PDE1C: variants seen among roughly 807,000 people sequenced by gnomAD.
The protein encoded by PDE1C is phosphodiesterase 1C, also known as dual specificity calcium/calmodulin-dependent 3',5'-cyclic nucleotide phosphodiesterase 1C.
Under a neutral mutation model 93.1 loss-of-function variants are expected in PDE1C, and 62 were observed. The ratio of observed to expected loss-of-function variants is 0.67; its 90% confidence interval spans 0.54 to 0.82. The LOEUF is 0.82. Ranked by LOEUF, PDE1C falls within the 40% of genes least tolerant of loss-of-function variation. The pLI, the probability that PDE1C is intolerant of heterozygous loss-of-function variation, is 0.00. For missense variants in PDE1C, 742 were observed against 884.6 expected, an observed-to-expected ratio of 0.84 and a Z score of 2.04; for synonymous variants, 325 against 310.1, an observed-to-expected ratio of 1.05 and a Z score of -0.50.
At chr7:31,815,878 C>A in intron 15 of PDE1C, 46 bp downstream of exon 15, 1 of 1,388,098 alleles carries the variant, frequency 7.2e-7, no homozygotes, top group South Asian at 1.2e-5. Context: ...TTCATTATGT[C>A]ATTAATGCCG....
At chr7:31,972,262 G>C (rs1454684482) in intron 2 of PDE1C, among the ~76,000 whole-genome samples, 1 of 152,152 alleles carries the variant, frequency 6.6e-6, no homozygotes, top group African/African-American at 2.4e-5. Flanking sequence ...AATACATTTG[G>C]TGATTTATTC....
intron 17 of PDE1C, among the ~76,000 whole-genome samples, chr7:31,770,406 C>T (rs1490504434): frequency 6.6e-6 from 1 of 152,084 alleles, no homozygotes; most frequent in Non-Finnish European, 1.5e-5. Flanking sequence ...TAATGAAGCC[C>T]AATTACCTAA....
At chr7:32,001,502 C>T (rs964318817) in intron 2 of PDE1C, among the ~76,000 whole-genome samples, 1 of 151,646 alleles carries the variant, frequency 6.6e-6, no homozygotes, top group African/African-American at 2.4e-5. Context: ...TCCATGAGCA[C>T]AACTCCCATC....
chr7:32,245,604 T>G lies in PDE1C; in HGVS notation c.86-36065A>C, dbSNP rs992294597. 1.9e-4 allele frequency among the ~76,000 whole-genome samples: 29 copies of G among 152,170 alleles called. 1 individual carries two copies. The highest frequency in any genetic ancestry group is 1.2e-3 in the Admixed American group (19 of 15,278). On this transcript the variant is annotated intron_variant, in intron 1 of 18. Transcript: ENST00000396193. Reference sequence around the variant, plus strand: ...TTGAGCAGTTTATGGCCCTATGTTTTCTCTCCCAGGTGTATCAGCATCTTA... The same window carrying G: ...TTGAGCAGTTTATGGCCCTATGTTTGCTCTCCCAGGTGTATCAGCATCTTA...
chr7:31,931,051 A>C (rs1188431986), intron 2 of PDE1C, among the ~76,000 whole-genome samples: 1 of 152,118 alleles, frequency 6.6e-6, no homozygotes, highest in Admixed American at 6.5e-5. Context: ...TTCATGCTAA[A>C]AGCACTCAAC....
At chr7:32,397,735 G>T (rs1212268977) in intron 1 of PDE1C, among the ~76,000 whole-genome samples, 1 of 152,110 alleles carries the variant, frequency 6.6e-6, no homozygotes, top group Non-Finnish European at 1.5e-5. Flanking sequence ...AAAAGTGAGG[G>T]TCAGGCACGG....
chr7:32,153,838 C>T (rs190552287), intron 3 of PDE1C, among the ~76,000 whole-genome samples: 13 of 152,224 alleles, frequency 8.5e-5, no homozygotes, highest in South Asian at 6.2e-4. Flanking sequence ...TTTGTTTGGT[C>T]GCCTTATTTT....
At chr7:32,128,317 T>A (rs1378927403) in intron 3 of PDE1C, among the ~76,000 whole-genome samples, 1 of 151,880 alleles carries the variant, frequency 6.6e-6, no homozygotes, top group African/African-American at 2.4e-5. Flanking sequence ...GAAAATATGT[T>A]CTAAACATGA....
rs1289176139 is a variant in PDE1C, at chr7:31,828,458, G to A, written c.1204-85C>T. ...ATTTAGCAACTTCTGCCGCCACGGA[G>A]GCCACTGGTCTTTATTTTAATTATT... On this transcript the variant is annotated intron_variant, in intron 11 of 17. Coordinates refer to ENST00000396191, the MANE Select transcript of PDE1C (RefSeq NM_001191057.4). The A allele has an allele frequency of 2.2e-5, 19 of 845,868 alleles. No homozygotes were observed. In the Admixed American group the frequency reaches 2.8e-4, roughly 12 times the overall value. The allele number at this position is 845,868 out of a possible 1,614,324, so 52.4% of individuals were successfully genotyped here. A position where few individuals can be genotyped will look rare whatever the true frequency, so the allele number is the denominator to read the frequency against.
chr7:31,989,080 G>C (rs1584347780), intron 2 of PDE1C, among the ~76,000 whole-genome samples: 1 of 147,234 alleles, frequency 6.8e-6, no homozygotes, highest in East Asian at 2.0e-4. Context: ...GAAAGAGAGA[G>C]AGAAAGAAAC....
chr7:31,729,532 T>G, the PDE1C span, among the ~76,000 whole-genome samples: 77 of 152,306 alleles, frequency 5.1e-4, 1 homozygote, highest in East Asian at 0.014. Flanking sequence ...AACTTCAGCA[T>G]TACCTGCTGA....
At chr7:32,310,597 C>T (rs1319891626) in intron 1 of PDE1C, among the ~76,000 whole-genome samples, 1 of 152,192 alleles carries the variant, frequency 6.6e-6, no homozygotes, top group African/African-American at 2.4e-5. Context: ...GACTAAGAAA[C>T]TCACTCAAAA....
At chr7:32,419,722 C>A (rs1287737316) in intron 1 of PDE1C, among the ~76,000 whole-genome samples, 4 of 152,038 alleles carry the variant, frequency 2.6e-5, no homozygotes. Context: ...AAACCCAGGG[C>A]TTTGCTGCTA....
chr7:31,888,615 A>G (rs560035449), intron 2 of PDE1C, among the ~76,000 whole-genome samples: 32 of 152,020 alleles, frequency 2.1e-4, no homozygotes, highest in African/African-American at 7.5e-4. Flanking sequence ...AAAAATTTAG[A>G]TGAAATTTTA....
At chr7:32,086,301 C>A (rs1797068998) in intron 3 of PDE1C, among the ~76,000 whole-genome samples, 1 of 151,942 alleles carries the variant, frequency 6.6e-6, no homozygotes, top group African/African-American at 2.4e-5. Context: ...TTACCAGGGA[C>A]ATGAAGGACC....
intron 2 of PDE1C, among the ~76,000 whole-genome samples, chr7:31,968,329 A>G (rs1167728359): frequency 6.6e-6 from 1 of 152,094 alleles, no homozygotes; most frequent in Non-Finnish European, 1.5e-5. Context: ...ACAAACAGAG[A>G]GCCAAATCAT....
intron 11 of PDE1C, among the ~76,000 whole-genome samples, chr7:31,831,667 A>T (rs1387856858): frequency 6.6e-6 from 1 of 152,160 alleles, no homozygotes; most frequent in Non-Finnish European, 1.5e-5. Flanking sequence ...ATTGTAAATA[A>T]CAATAATAAA....
At chr7:31,975,384 T>C (rs1811529876) in intron 2 of PDE1C, among the ~76,000 whole-genome samples, 1 of 152,168 alleles carries the variant, frequency 6.6e-6, no homozygotes, top group Non-Finnish European at 1.5e-5. Flanking sequence ...TCTATCAAAA[T>C]GTCCGTGTAG....
At chr7:31,616,861 C>A in the PDE1C span, among the ~76,000 whole-genome samples, 1 of 151,442 alleles carries the variant, frequency 6.6e-6, no homozygotes, top group Admixed American at 6.6e-5. Context: ...CCTCTCTTAA[C>A]AGATACCAGA....
Sources: gnomAD v4.1 joint callset for allele counts (sites outside exome capture counted in the v4.1 genomes callset) on GRCh38, gnomAD v4.1.1 for gene constraint, MANE v1.5 for transcripts, NCBI Gene and HGNC (gene_info 2026-07-23, HGNC 2026-07-21) for gene names.